Variants in KHDRBS2 observed in about 807,000 individuals in gnomAD.
KHDRBS2 encodes the protein KH RNA binding domain containing, signal transduction associated 2, also known as KH domain-containing, RNA-binding, signal transduction-associated protein 2.
KHDRBS2 carries 26 observed loss-of-function variants against 44.3 expected under a neutral mutation model. The observed-to-expected ratio is 0.59, with a 90% CI of 0.43 to 0.81. The LOEUF is 0.81. KHDRBS2 is among the 40% of genes least tolerant of loss of function. The pLI is 0.00. For missense variants in KHDRBS2, 476 were observed against 433.1 expected (o/e 1.10, Z -0.88); for synonymous variants, 194 against 151.1 (o/e 1.28, Z -2.08).
chr6:61,908,011 G>T (rs1368074502), intron 4 of KHDRBS2, among the ~76,000 whole-genome samples: 2 of 152,048 alleles, frequency 1.3e-5, no homozygotes, highest in South Asian at 4.1e-4. Context: ...TAAGATTTGG[G>T]AGTCATACAA....
Position 62,286,094 on chromosome 6 carries a change from C to G in KHDRBS2, c.-146G>C, listed in dbSNP as rs1213872821. 5.0e-6 allele frequency: 3 copies of G among 601,504 alleles called. No homozygotes were observed. The highest frequency in any genetic ancestry group is 8.8e-6 in the Non-Finnish European group (3 of 342,110). The allele number at this position is 601,504 out of a possible 1,614,324, so 37.3% of individuals were successfully genotyped here. The stretch of plus-strand genomic sequence containing the variant: ...TGTGCGTCCTCACTGGCCCATGCAC[C>G]CAGCACCTGCGACTCCCGCCGTCGG... On this transcript the variant is annotated 5_prime_UTR_variant, in exon 1 of 9. Transcript: ENST00000281156.
At chr6:61,918,263 G>A (rs553402339) in intron 4 of KHDRBS2, among the ~76,000 whole-genome samples, 42 of 151,914 alleles carry the variant, frequency 2.8e-4, no homozygotes, top group Admixed American at 5.9e-4. Flanking sequence ...GAAGAACTCC[G>A]AAATCAATAG....
At chr6:62,061,899 C>T (rs1792022758) in intron 2 of KHDRBS2, among the ~76,000 whole-genome samples, 2 of 151,550 alleles carry the variant, frequency 1.3e-5, no homozygotes, top group African/African-American at 4.8e-5. Flanking sequence ...CTCTAAACTT[C>T]CCTTCTCGCT....
intron 2 of KHDRBS2, among the ~76,000 whole-genome samples, chr6:62,149,814 A>G (rs1814715196): frequency 6.6e-6 from 1 of 152,138 alleles, no homozygotes; most frequent in Non-Finnish European, 1.5e-5. Context: ...ATGGTGATGC[A>G]CTCTATCTTT....
chr6:61,902,484 C>T (rs780434089), intron 4 of KHDRBS2, among the ~76,000 whole-genome samples: 1 of 150,642 alleles, frequency 6.6e-6, no homozygotes, highest in African/African-American at 2.4e-5. Context: ...GCCAGTATCA[C>T]CTGTTTCTCT....
chr6:61,600,368 T>A, the KHDRBS2 span, among the ~76,000 whole-genome samples: 2 of 152,064 alleles, frequency 1.3e-5, no homozygotes, highest in African/African-American at 2.4e-5. Flanking sequence ...AGTGATGACA[T>A]TACCATGTGA....
chr6:62,106,360 T>A (rs544820835), intron 2 of KHDRBS2, among the ~76,000 whole-genome samples: 2 of 152,248 alleles, frequency 1.3e-5, no homozygotes, highest in South Asian at 2.1e-4. Context: ...CGCTGATCGG[T>A]CTAATGTGGA....
At chr6:61,542,772 G>T in the KHDRBS2 span, among the ~76,000 whole-genome samples, 1 of 151,880 alleles carries the variant, frequency 6.6e-6, no homozygotes, top group Non-Finnish European at 1.5e-5. Flanking sequence ...GGGGGAGAGA[G>T]GAGGCAGATA....
At chr6:61,602,246 G>T in the KHDRBS2 span, among the ~76,000 whole-genome samples, 2 of 151,998 alleles carry the variant, frequency 1.3e-5, no homozygotes, top group Non-Finnish European at 2.9e-5. Flanking sequence ...ATGTATTTTT[G>T]AGTTGCAGTT....
chr6:62,209,508 A>G (rs188470779), intron 1 of KHDRBS2, among the ~76,000 whole-genome samples: 1 of 152,256 alleles, frequency 6.6e-6, no homozygotes, highest in African/African-American at 2.4e-5. Context: ...CCATGTTACC[A>G]TTATAAATTG....
chr6:62,270,286 TCTCTCTCTCTCTCTC>T (rs1323270414), intron 1 of KHDRBS2, among the ~76,000 whole-genome samples: 112 of 143,224 alleles, frequency 7.8e-4, no homozygotes, highest in African/African-American at 2.5e-3. Flanking sequence ...CATCTCTCTC[TCTCTCTCTCTCTCTC>T]CTCTCTCTCT....
At chr6:61,974,346 A>C (rs1772051039) in intron 4 of KHDRBS2, among the ~76,000 whole-genome samples, 1 of 152,156 alleles carries the variant, frequency 6.6e-6, no homozygotes, top group African/African-American at 2.4e-5. Flanking sequence ...ACTATGAAAG[A>C]AAGAAATAGT....
chr6:61,691,673 C>A (rs1486737161), intron 8 of KHDRBS2, among the ~76,000 whole-genome samples: 1 of 151,986 alleles, frequency 6.6e-6, no homozygotes, highest in Non-Finnish European at 1.5e-5. Context: ...ATTCTATTTA[C>A]TATTAAAAAT....
intron 3 of KHDRBS2, among the ~76,000 whole-genome samples, chr6:62,044,922 T>C (rs1787350624): frequency 1.3e-5 from 2 of 152,096 alleles, no homozygotes; most frequent in African/African-American, 2.4e-5. Context: ...TGTATGTAGG[T>C]ATGTGTCCTT....
chr6:61,561,616 C>A, the KHDRBS2 span, among the ~76,000 whole-genome samples: 3 of 152,116 alleles, frequency 2.0e-5, no homozygotes, highest in Non-Finnish European at 2.9e-5. Flanking sequence ...AGCTTCTCCC[C>A]ATGGTCACCC....
At position 61,955,147 on chromosome 6, in the gene KHDRBS2, C is replaced by T. The variant is rs530879781; in HGVS notation, c.483+22919G>A. 5.0e-5 allele frequency among the ~76,000 whole-genome samples: 7 copies of T among 140,420 alleles called. No homozygotes were observed. In the East Asian group the frequency reaches 6.7e-4, roughly 13 times the overall value. The allele number at this position is 140,420 out of a possible 152,430, so 92.1% of individuals were successfully genotyped here. ...ATGTATACATATGTATATACACATA[C>T]GTGTGTATGTATGTATACATATGTG... On this transcript the variant is annotated intron_variant, in intron 4 of 8. Transcript: ENST00000281156.
At chr6:61,948,900 C>A (rs4710317) in intron 4 of KHDRBS2, among the ~76,000 whole-genome samples, 46,192 of 151,590 alleles carry the variant, frequency 0.3, 7,852 homozygotes, top group Middle Eastern at 0.4. Context: ...AGCCTTTATG[C>A]CCCACTTTTC....
At chr6:62,033,108 G>A (rs1026339210) in intron 3 of KHDRBS2, among the ~76,000 whole-genome samples, 1 of 151,786 alleles carries the variant, frequency 6.6e-6, no homozygotes, top group Non-Finnish European at 1.5e-5. Flanking sequence ...TAGCAAAATA[G>A]ATCAAGCAGA....
At chr6:62,033,111 C>A (rs950842944) in intron 3 of KHDRBS2, among the ~76,000 whole-genome samples, 1 of 151,668 alleles carries the variant, frequency 6.6e-6, no homozygotes, top group African/African-American at 2.4e-5. Context: ...CAAAATAGAT[C>A]AAGCAGAAGA....
Sources: gnomAD v4.1 joint callset for allele counts (sites outside exome capture counted in the v4.1 genomes callset) on GRCh38, gnomAD v4.1.1 for gene constraint, MANE v1.5 for transcripts, NCBI Gene and HGNC (gene_info 2026-07-23, HGNC 2026-07-21) for gene names.